ARB2A: variants seen among roughly 807,000 people sequenced by gnomAD.
ARB2A encodes ARB2 cotranscriptional regulator A, also known as cotranscriptional regulator ARB2A.
At chr5:93,777,306 A>G in the ARB2A span, among the ~76,000 whole-genome samples, 1 of 152,054 alleles carries the variant, frequency 6.6e-6, no homozygotes, top group Admixed American at 6.6e-5. Context: ...CTTAAAGTAT[A>G]ATAATAATAA....
the ARB2A span, among the ~76,000 whole-genome samples, chr5:93,837,233 A>G: frequency 6.6e-6 from 1 of 152,084 alleles, no homozygotes; most frequent in African/African-American, 2.4e-5. Context: ...CTGTTCCTGC[A>G]TTAGTTTGCT....
chr5:93,978,401 G>A, the ARB2A span, among the ~76,000 whole-genome samples: 5 of 152,154 alleles, frequency 3.3e-5, no homozygotes, highest in African/African-American at 1.2e-4. Flanking sequence ...TAAAGAAAAT[G>A]TGGTACACAT....
chr5:93,693,905 A>T, the ARB2A span, among the ~76,000 whole-genome samples: 1 of 152,162 alleles, frequency 6.6e-6, no homozygotes, highest in African/African-American at 2.4e-5. Context: ...ATCAATAAAC[A>T]TAATACATCA....
chr5:94,061,331 A>T, the ARB2A span, among the ~76,000 whole-genome samples: 1 of 152,244 alleles, frequency 6.6e-6, no homozygotes. Flanking sequence ...AGGAGCGTTT[A>T]CCAAAAAACT....
At chr5:93,871,473 A>G in the ARB2A span, among the ~76,000 whole-genome samples, 2 of 152,230 alleles carry the variant, frequency 1.3e-5, no homozygotes, top group African/African-American at 4.8e-5. Context: ...GCATCAAAGA[A>G]GAATATACAA....
chr5:93,659,996 G>A, the ARB2A span, among the ~76,000 whole-genome samples: 1 of 151,632 alleles, frequency 6.6e-6, no homozygotes, highest in Non-Finnish European at 1.5e-5. Context: ...TGAATTGTAA[G>A]GGTCTTACAA....
the ARB2A span, chr5:93,740,826 G>A: frequency 1.2e-6 from 2 of 1,613,820 alleles, no homozygotes; most frequent in East Asian, 2.2e-5. Context: ...GCAGCTGGAG[G>A]CACCCAGCAA....
At chr5:94,097,548 G>C in the ARB2A span, among the ~76,000 whole-genome samples, 5 of 152,096 alleles carry the variant, frequency 3.3e-5, no homozygotes, top group Non-Finnish European at 7.4e-5. Context: ...TTAAAAATGG[G>C]AGTTTCCCCA....
the ARB2A span, among the ~76,000 whole-genome samples, chr5:93,645,576 G>GAAAAAAA: frequency 1.1e-5 from 1 of 90,114 alleles, no homozygotes; most frequent in Non-Finnish European, 2.6e-5. Context: ...CCGTCTCAAA[G>GAAAAAAA]AAAAAAAAAA....
the ARB2A span, among the ~76,000 whole-genome samples, chr5:93,717,050 T>G: frequency 6.6e-6 from 1 of 152,220 alleles, no homozygotes; most frequent in Non-Finnish European, 1.5e-5. Context: ...CTATTTATGA[T>G]AATACTTTGA....
the ARB2A span, among the ~76,000 whole-genome samples, chr5:93,826,327 T>C: frequency 6.6e-6 from 1 of 152,180 alleles, no homozygotes; most frequent in South Asian, 2.1e-4. Context: ...CATTTTCCTT[T>C]TTAGAAATTT....
chr5:93,824,009 T>A, the ARB2A span: 1 of 550,860 alleles, frequency 1.8e-6, no homozygotes, highest in Admixed American at 3.5e-5. Flanking sequence ...TTTTCAAACA[T>A]CATAAAATTA....
the ARB2A span, among the ~76,000 whole-genome samples, chr5:94,076,686 C>A: frequency 6.6e-6 from 1 of 152,174 alleles, no homozygotes; most frequent in Admixed American, 6.5e-5. Context: ...TTTTATTACA[C>A]ATCATCTTGT....
the ARB2A span, among the ~76,000 whole-genome samples, chr5:93,833,438 G>C: frequency 6.6e-6 from 1 of 152,064 alleles, no homozygotes; most frequent in Non-Finnish European, 1.5e-5. Context: ...TGGATAAAGC[G>C]TAAGTATCCA....
chr5:94,097,788 C>T, the ARB2A span, among the ~76,000 whole-genome samples: 1 of 152,018 alleles, frequency 6.6e-6, no homozygotes, highest in Non-Finnish European at 1.5e-5. Flanking sequence ...AACTGCTTTG[C>T]CAGAATGCAC....
the ARB2A span, among the ~76,000 whole-genome samples, chr5:94,094,162 A>G: frequency 2.6e-5 from 4 of 152,224 alleles, no homozygotes; most frequent in Admixed American, 6.5e-5. Context: ...TGCCATAACA[A>G]AACTGCATAG....
chr5:93,780,704 C>A, the ARB2A span, among the ~76,000 whole-genome samples: 30 of 152,080 alleles, frequency 2.0e-4, no homozygotes, highest in African/African-American at 6.3e-4. Context: ...GGATTACGGG[C>A]GCCTGCCACC....
At chr5:93,632,312 G>T in the ARB2A span, among the ~76,000 whole-genome samples, 2 of 152,304 alleles carry the variant, frequency 1.3e-5, no homozygotes, top group African/African-American at 2.4e-5. Context: ...GCAACAAGGA[G>T]CCAGGTGAAA....
chr5:93,661,048 G>C, the ARB2A span, among the ~76,000 whole-genome samples: 2 of 152,146 alleles, frequency 1.3e-5, no homozygotes, highest in Non-Finnish European at 2.9e-5. Context: ...CTTAACAAAT[G>C]TTTGGACACT....
Sources: gnomAD v4.1 joint callset for allele counts (sites outside exome capture counted in the v4.1 genomes callset) on GRCh38, gnomAD v4.1.1 for gene constraint, MANE v1.5 for transcripts, NCBI Gene and HGNC (gene_info 2026-07-23, HGNC 2026-07-21) for gene names.